NRXN1: variants seen among roughly 807,000 people sequenced by gnomAD.
The protein encoded by NRXN1 is neurexin 1, also known as neurexin-1.
NRXN1 carries 39 observed loss-of-function variants against 150.9 expected under a neutral mutation model. That is an observed-to-expected ratio of 0.26 (90% CI 0.20 to 0.34). NRXN1 has a LOEUF of 0.34. NRXN1 is among the 10% of genes least tolerant of loss of function. The pLI is 1.00. For missense variants in NRXN1, 1,815 were observed against 1,949.9 expected, an observed-to-expected ratio of 0.93 and a Z score of 1.30; for synonymous variants, 924 against 757.0, an observed-to-expected ratio of 1.22 and a Z score of -3.62.
At chr2:50,237,327 A>G (rs559996070) in intron 17 of NRXN1, among the ~76,000 whole-genome samples, 1 of 152,202 alleles carries the variant, frequency 6.6e-6, no homozygotes, top group East Asian at 1.9e-4. Context: ...GATGCTTCCA[A>G]AAAGCAACAG....
At chr2:50,830,427 C>T (rs764266150) in intron 5 of NRXN1, among the ~76,000 whole-genome samples, 7 of 151,634 alleles carry the variant, frequency 4.6e-5, no homozygotes, top group Non-Finnish European at 1.0e-4. Flanking sequence ...TTTATTAGTA[C>T]CTATTCAACA....
At chr2:50,383,323 T>C (rs1416567359) in intron 17 of NRXN1, among the ~76,000 whole-genome samples, 1 of 152,020 alleles carries the variant, frequency 6.6e-6, no homozygotes, top group African/African-American at 2.4e-5. Flanking sequence ...AGATTCACCA[T>C]CATCAGTTAG....
intron 21 of NRXN1, among the ~76,000 whole-genome samples, chr2:49,986,719 A>T (rs1680977544): frequency 6.6e-6 from 1 of 152,218 alleles, no homozygotes; most frequent in Admixed American, 6.5e-5. Flanking sequence ...TCACACATTT[A>T]TCATGTCTTT....
intron 2 of NRXN1, among the ~76,000 whole-genome samples, chr2:50,954,860 G>A (rs536200434): frequency 6.6e-6 from 1 of 152,254 alleles, no homozygotes; most frequent in South Asian, 2.1e-4. Flanking sequence ...AGACTTGATG[G>A]TATCACCAAC....
chr2:50,115,146 ATT>A (rs537172320), intron 18 of NRXN1, among the ~76,000 whole-genome samples: 1 of 144,372 alleles, frequency 6.9e-6, no homozygotes. Context: ...ATTTCGCTCA[ATT>A]TTTTTTTTTT....
rs527949822 is a variant in NRXN1 at position 50,232,951 on chromosome 2, T to C, written c.3546+3838A>G. ...AACTACCTTTAAGATTTGAAGCTTC[T>C]CAATAATATGGCTGCTTATATCAAG... On this transcript the variant is annotated intron_variant, in intron 18 of 22. Transcript: ENST00000401669. Among the ~76,000 whole-genome samples, 38 of 152,170 alleles carry C rather than the reference T, an allele frequency of 2.5e-4. No homozygotes were observed. The South Asian group carries it at 7.7e-3, about 31-fold the overall frequency.
intron 18 of NRXN1, among the ~76,000 whole-genome samples, chr2:50,099,598 C>T (rs1700727771): frequency 6.6e-6 from 1 of 152,070 alleles, no homozygotes; most frequent in South Asian, 2.1e-4. Flanking sequence ...ATTATTGCTA[C>T]AATTATTGTT....
chr2:50,103,842 A>T (rs1701297494), intron 18 of NRXN1, among the ~76,000 whole-genome samples: 1 of 147,720 alleles, frequency 6.8e-6, no homozygotes, highest in Non-Finnish European at 1.5e-5. Flanking sequence ...TACCTGGAGC[A>T]ATGTCAACTT....
chr2:50,057,793 T>A, intron 19 of NRXN1, among the ~76,000 whole-genome samples: 1 of 152,150 alleles, frequency 6.6e-6, no homozygotes, highest in East Asian at 1.9e-4. Flanking sequence ...ATAAACCACT[T>A]GTAGCTAAGC....
intron 2 of NRXN1, among the ~76,000 whole-genome samples, chr2:50,939,360 T>C (rs1467007936): frequency 6.6e-6 from 1 of 152,070 alleles, no homozygotes; most frequent in Non-Finnish European, 1.5e-5. Flanking sequence ...TTTAGTAAGT[T>C]AACAATGAAA....
intron 18 of NRXN1, among the ~76,000 whole-genome samples, chr2:50,152,197 C>T (rs2058737423): frequency 6.6e-6 from 1 of 151,672 alleles, no homozygotes; most frequent in Non-Finnish European, 1.5e-5. Context: ...CAATAACTAC[C>T]CATTTCCTCT....
chr2:51,017,503 C>CTTT lies in NRXN1; in HGVS notation c.772+9996_772+9998dup, dbSNP rs70958638. On this transcript the variant is annotated intron_variant, in intron 2 of 22. Coordinates refer to ENST00000401669, the MANE Select transcript of NRXN1 (RefSeq NM_001330078.2). Reference sequence around the variant, plus strand: ...ATACACGTATGGCCACCACATCTGGCTTTTTTTTTTTTTTTTTTTTTTTTT... The same window carrying CTTT: ...ATACACGTATGGCCACCACATCTGGCTTTTTTTTTTTTTTTTTTTTTTTTTTTT... Among the ~76,000 whole-genome samples, 36 of 44,318 alleles carry CTTT rather than the reference C, an allele frequency of 8.1e-4. 5 individuals are homozygous for CTTT. The highest frequency in any genetic ancestry group is 1.0e-3 in the Non-Finnish European group (27 of 26,326). The allele number at this position is 44,318 out of a possible 152,430, so 29.1% of individuals were successfully genotyped here. A position where few individuals can be genotyped will look rare whatever the true frequency, so the allele number is the denominator to read the frequency against.
At position 50,307,940 on chromosome 2, in the gene NRXN1, T is replaced by C. The variant is rs976923625; in HGVS notation, c.3365-70970A>G. 3.3e-5 allele frequency among the ~76,000 whole-genome samples: 5 copies of C among 152,266 alleles called. No individual in the cohort carries two copies. The East Asian group carries it at 7.7e-4, about 23-fold the overall frequency. On this transcript the variant is annotated intron_variant, in intron 17 of 22. Coordinates refer to ENST00000401669, the MANE Select transcript of NRXN1 (RefSeq NM_001330078.2). ...CATTTATGGAGTTTTATGAGCACTG[T>C]ATTTAAGCTGACATTCAACTTTTAA...
chr2:50,833,341 GA>G (rs893608509), intron 5 of NRXN1, among the ~76,000 whole-genome samples: 2 of 152,022 alleles, frequency 1.3e-5, no homozygotes, highest in African/African-American at 2.4e-5. Context: ...GTTTATCCAA[GA>G]AAAATGAAAG....
intron 19 of NRXN1, among the ~76,000 whole-genome samples, chr2:50,081,241 A>G (rs1697918761): frequency 6.6e-6 from 1 of 152,142 alleles, no homozygotes; most frequent in Non-Finnish European, 1.5e-5. Context: ...CCTCCTCTTG[A>G]CGGCACTTTC....
At chr2:50,661,100 A>T (rs1421056723) in intron 5 of NRXN1, among the ~76,000 whole-genome samples, 6 of 150,124 alleles carry the variant, frequency 4.0e-5, no homozygotes, top group Non-Finnish European at 7.4e-5. Flanking sequence ...TATATATACT[A>T]GTATGTACTT....
intron 16 of NRXN1, among the ~76,000 whole-genome samples, chr2:50,467,631 T>A (rs1573097629): frequency 6.6e-6 from 1 of 151,382 alleles, no homozygotes; most frequent in Non-Finnish European, 1.5e-5. Flanking sequence ...TCAGAAACCA[T>A]GATATTGTAA....
chr2:50,847,512 T>G (rs1673838347), intron 5 of NRXN1, among the ~76,000 whole-genome samples: 1 of 152,126 alleles, frequency 6.6e-6, no homozygotes, highest in Non-Finnish European at 1.5e-5. Flanking sequence ...GGCCAGTCCC[T>G]GGCTAGGGCT....
intron 17 of NRXN1, among the ~76,000 whole-genome samples, chr2:50,264,769 A>T (rs1357632191): frequency 2.6e-5 from 4 of 152,088 alleles, no homozygotes; most frequent in African/African-American, 9.7e-5. Context: ...TTGTGGAAAC[A>T]TTTCAGTAAA....
Sources: allele counts gnomAD v4.1 joint callset (sites outside exome capture counted in the v4.1 genomes callset), GRCh38; gene constraint gnomAD v4.1.1; transcripts MANE v1.5; gene names NCBI Gene and HGNC (gene_info 2026-07-23, HGNC 2026-07-21).